The following CTNNA2 variants were observed in gnomAD, a reference collection of about 807,000 sequenced individuals.
CTNNA2 encodes catenin alpha 2.
Under a neutral mutation model 101.0 loss-of-function variants are expected in CTNNA2, and 42 were observed. The observed-to-expected ratio is 0.42, with a 90% CI of 0.32 to 0.54. The LOEUF (loss-of-function observed/expected upper bound fraction) is 0.54. CTNNA2 is among the 20% of genes least tolerant of loss of function. The pLI, the probability that CTNNA2 is intolerant of heterozygous loss-of-function variation, is 0.14. For synonymous variants in CTNNA2, 450 were observed against 456.4 expected (o/e 0.99, Z 0.18); for missense variants, 871 against 1,223.1 (o/e 0.71, Z 4.29).
intron 7 of CTNNA2, among the ~76,000 whole-genome samples, chr2:80,352,766 A>G (rs1673427083): frequency 6.6e-6 from 1 of 152,114 alleles, no homozygotes; most frequent in African/African-American, 2.4e-5. Context: ...TAATTAAGCT[A>G]TTTATTTGAG....
At chr2:79,740,857 C>G (rs1671242313) in intron 2 of CTNNA2, among the ~76,000 whole-genome samples, 1 of 151,628 alleles carries the variant, frequency 6.6e-6, no homozygotes, top group Non-Finnish European at 1.5e-5. Context: ...ATGGTAACTT[C>G]TCTAAGCTGG....
At chr2:79,693,982 C>T (rs1684489002) in intron 2 of CTNNA2, among the ~76,000 whole-genome samples, 2 of 151,880 alleles carry the variant, frequency 1.3e-5, no homozygotes, top group African/African-American at 4.8e-5. Context: ...GAATTGAGAG[C>T]AATGGTGTTT....
At chr2:79,409,808 TTAAAG>T (rs1238123486) in intron 4 of CTNNA2, among the ~76,000 whole-genome samples, 11 of 138,972 alleles carry the variant, frequency 7.9e-5, no homozygotes, top group African/African-American at 2.9e-4. Context: ...CATATGAACT[TTAAAG>T]TAGTTTTTTT....
intron 9 of CTNNA2, among the ~76,000 whole-genome samples, chr2:80,494,127 C>T (rs984192033): frequency 2.6e-5 from 4 of 151,904 alleles, no homozygotes; most frequent in Non-Finnish European, 5.9e-5. Flanking sequence ...AATCAAACTC[C>T]GTAATAAAGG....
chr2:79,835,177 A>T (rs1166855035), intron 3 of CTNNA2, among the ~76,000 whole-genome samples: 1 of 152,190 alleles, frequency 6.6e-6, no homozygotes, highest in African/African-American at 2.4e-5. Flanking sequence ...AAACTTGAGT[A>T]TCATCACCTA....
intron 7 of CTNNA2, among the ~76,000 whole-genome samples, chr2:80,160,098 G>T (rs1704220715): frequency 2.0e-5 from 3 of 152,038 alleles, no homozygotes; most frequent in African/African-American, 7.2e-5. Flanking sequence ...TCCCCATTTG[G>T]TTGATTTTGT....
At chr2:79,732,918 A>G (rs1449632855) in intron 2 of CTNNA2, among the ~76,000 whole-genome samples, 5 of 152,150 alleles carry the variant, frequency 3.3e-5, no homozygotes, top group Middle Eastern at 3.4e-3. Flanking sequence ...AAAAAACAAA[A>G]TGGAGGTTGA....
intron 2 of CTNNA2, among the ~76,000 whole-genome samples, chr2:79,206,604 GAT>G (rs1485092590): frequency 6.6e-6 from 1 of 152,030 alleles, no homozygotes; most frequent in Non-Finnish European, 1.5e-5. Flanking sequence ...TAGCAACTTT[GAT>G]ATGAGTGACC....
chr2:79,578,827 A>G (rs1438528404), intron 1 of CTNNA2, among the ~76,000 whole-genome samples: 1 of 150,982 alleles, frequency 6.6e-6, no homozygotes. Flanking sequence ...TTTGAATATT[A>G]TCTCCTTCCT....
Position 80,648,153 on chromosome 2 carries a change from T to C in CTNNA2, c.*281T>C, listed in dbSNP as rs1394798560. The C allele has an allele frequency of 8.3e-6, 2 of 239,544 alleles. No homozygotes were observed. Among genetic ancestry groups the C allele is most frequent in the Non-Finnish European group, 1.6e-5 (2 of 123,830 alleles). The allele number at this position is 239,544 out of a possible 1,614,324, so 14.8% of individuals were successfully genotyped here. A position where few individuals can be genotyped will look rare whatever the true frequency, so the allele number is the denominator to read the frequency against. ...AGAGTTCGCATTGGCGCAATATTTA[T>C]GGGAGTGGGAGGGATGGGGAAAATA... On this transcript the variant is annotated 3_prime_UTR_variant, in exon 19 of 19. Transcript: ENST00000402739.
At chr2:80,377,248 C>T (rs1676042924) in intron 7 of CTNNA2, among the ~76,000 whole-genome samples, 1 of 152,214 alleles carries the variant, frequency 6.6e-6, no homozygotes, top group Non-Finnish European at 1.5e-5. Flanking sequence ...GACATTCAAT[C>T]CATCTGTCTT....
intron 6 of CTNNA2, among the ~76,000 whole-genome samples, chr2:79,874,575 C>T (rs959707388): frequency 1.3e-5 from 2 of 152,154 alleles, no homozygotes; most frequent in African/African-American, 2.4e-5. Flanking sequence ...AATCCCAGAA[C>T]TTTGGGAGGC....
chr2:80,166,451 A>G (rs1277774344), intron 7 of CTNNA2, among the ~76,000 whole-genome samples: 1 of 152,116 alleles, frequency 6.6e-6, no homozygotes, highest in Non-Finnish European at 1.5e-5. Context: ...TGGGTTGCTG[A>G]ACACATGGAG....
At chr2:79,818,898 CACACACA>C in intron 3 of CTNNA2, among the ~76,000 whole-genome samples, 1 of 60,038 alleles carries the variant, frequency 1.7e-5, no homozygotes, top group Non-Finnish European at 3.1e-5. Flanking sequence ...ACTAATAGCA[CACACACA>C]CACACACACA....
At chr2:80,017,674 T>C (rs1015475965) in intron 7 of CTNNA2, among the ~76,000 whole-genome samples, 1 of 151,898 alleles carries the variant, frequency 6.6e-6, no homozygotes, top group African/African-American at 2.4e-5. Context: ...CTAGGTGGAG[T>C]CAATGTGGTA....
At chr2:79,210,305 A>G (rs549082867) in intron 2 of CTNNA2, among the ~76,000 whole-genome samples, 1 of 152,326 alleles carries the variant, frequency 6.6e-6, no homozygotes, top group South Asian at 2.1e-4. Flanking sequence ...ATAAAAGAAA[A>G]AAAACTAGAC....
chr2:79,698,800 C>T (rs1684808008), intron 2 of CTNNA2, among the ~76,000 whole-genome samples: 1 of 151,906 alleles, frequency 6.6e-6, no homozygotes, highest in Admixed American at 6.6e-5. Context: ...ACACTTTGGC[C>T]CTGATAAACA....
At chr2:79,732,307 A>G (rs967902530) in intron 2 of CTNNA2, among the ~76,000 whole-genome samples, 2 of 152,064 alleles carry the variant, frequency 1.3e-5, no homozygotes, top group Admixed American at 1.3e-4. Context: ...GATTTCTAGA[A>G]CTGTATAAGA....
At chr2:79,647,129 C>G (rs780316326) in intron 1 of CTNNA2, among the ~76,000 whole-genome samples, 1 of 152,128 alleles carries the variant, frequency 6.6e-6, no homozygotes, top group Non-Finnish European at 1.5e-5. Flanking sequence ...GACTATATAT[C>G]ATTTTATCCT....
Sources: allele counts gnomAD v4.1 joint callset (sites outside exome capture counted in the v4.1 genomes callset), GRCh38; gene constraint gnomAD v4.1.1; transcripts MANE v1.5; gene names NCBI Gene and HGNC (gene_info 2026-07-23, HGNC 2026-07-21).